Variants in ZNF540 observed in about 807,000 individuals in gnomAD.
ZNF540 encodes the protein CTD-3064H18.6.
ZNF540 carries 3 observed loss-of-function variants against 11.8 expected under a neutral mutation model. The ratio of observed to expected loss-of-function variants is 0.25; its 90% confidence interval spans 0.12 to 0.65. The LOEUF is 0.65. Ranked by LOEUF, ZNF540 falls within the 30% of genes least tolerant of loss-of-function variation. The pLI, the probability that ZNF540 is intolerant of heterozygous loss-of-function variation, is 0.83. For missense variants in ZNF540, 709 were observed against 793.1 expected (o/e 0.89, Z 1.27); for synonymous variants, 247 against 259.0 (o/e 0.95, Z 0.45).
Position 37,613,223 on chromosome 19 carries a change from C to T in ZNF540, c.1943C>T (p.Ser648Leu), listed in dbSNP as rs766947280. The T allele has an allele frequency of 1.3e-6, 2 of 1,540,636 alleles. No homozygotes were observed. Among genetic ancestry groups the T allele is most frequent in the Non-Finnish European group, 1.7e-6 (2 of 1,143,736 alleles). The change falls in exon 5 of 5, where the codon TCA (serine) becomes TTA (leucine). Residue 648 changes from serine to leucine, a missense_variant. By Grantham distance (145) the Ser-to-Leu change is moderately radical. Coordinates refer to ENST00000316433, the MANE Select transcript of ZNF540 (RefSeq NM_001172225.3). ...KVCRKAFRQY[S>L]HLYQHQKTHN... ...TGTAGAAAGGCCTTTAGACAATATT[C>T]ACATCTTTATCAACATCAGAAAACT...
Position 37,614,007 on chromosome 19 carries a change from G to T in ZNF540, c.*744G>T. On this transcript the variant is annotated 3_prime_UTR_variant, in exon 5 of 5. Transcript: ENST00000316433. Reference sequence around the variant, plus strand: ...GTCAGCAGTCTACAGTGCAAAAGAGGGCCTTCACCAGAACCCAAGCATGCT... The same window carrying T: ...GTCAGCAGTCTACAGTGCAAAAGAGTGCCTTCACCAGAACCCAAGCATGCT... 2.5e-6 allele frequency: 1 copy of T among 396,412 alleles called. No individual in the cohort carries two copies. Among genetic ancestry groups the T allele is most frequent in the East Asian group, 3.6e-5 (1 of 27,964 alleles). The allele number at this position is 396,412 out of a possible 1,614,324, so 24.6% of individuals were successfully genotyped here.
At chr19:37,570,804 T>C (rs8104282) in intron 1 of ZNF540, among the ~76,000 whole-genome samples, 39,762 of 152,062 alleles carry the variant, frequency 0.26, 6,357 homozygotes, top group Non-Finnish European at 0.37. Flanking sequence ...GAAGGCATTA[T>C]AGCATTCATA....
At chr19:37,581,912 T>A (rs557802024) in intron 1 of ZNF540, among the ~76,000 whole-genome samples, 2 of 152,102 alleles carry the variant, frequency 1.3e-5, no homozygotes, top group South Asian at 4.1e-4. Flanking sequence ...TTCCTGTCTA[T>A]ACCTTTTGCT....
At chr19:37,557,300 T>TA (rs1489604770) in intron 1 of ZNF540, among the ~76,000 whole-genome samples, 2 of 152,216 alleles carry the variant, frequency 1.3e-5, no homozygotes, top group Non-Finnish European at 2.9e-5. Context: ...CTTGATCTGT[T>TA]AGGCTTTGAA....
chr19:37,593,715 A>C (rs903914407), upstream of ZNF540, among the ~76,000 whole-genome samples: 1 of 152,092 alleles, frequency 6.6e-6, no homozygotes, highest in Non-Finnish European at 1.5e-5. Flanking sequence ...AAAGCAAACA[A>C]ACAAACAAAA....
chr19:37,589,893 C>A, upstream of ZNF540, among the ~76,000 whole-genome samples: 1 of 97,726 alleles, frequency 1.0e-5, no homozygotes, highest in East Asian at 2.3e-4. Context: ...AAAAAGCACA[C>A]TTGAATTGAA....
Position 37,614,091 on chromosome 19 carries a change from T to A in ZNF540, c.*828T>A, listed in dbSNP as rs2044153309. The A allele has an allele frequency of 5.2e-6, 2 of 383,796 alleles. No homozygotes were observed. Among genetic ancestry groups the A allele is most frequent in the Non-Finnish European group, 4.6e-6 (1 of 217,502 alleles). The allele number at this position is 383,796 out of a possible 1,614,324, so 23.8% of individuals were successfully genotyped here. A position where few individuals can be genotyped will look rare whatever the true frequency, so the allele number is the denominator to read the frequency against. ...CTGTGAGAAATAAACCTCAGTTGTTTATAAGCCACTGAGTCTACGATATTT... is the reference window on the plus strand; with the variant it reads ...CTGTGAGAAATAAACCTCAGTTGTTAATAAGCCACTGAGTCTACGATATTT... On this transcript the variant is annotated 3_prime_UTR_variant, in exon 5 of 5. Transcript: ENST00000316433.
chr19:37,588,099 C>CAAAAAAAAAAAAAAAAA, intron 1 of ZNF540, among the ~76,000 whole-genome samples: 1 of 45,742 alleles, frequency 2.2e-5, no homozygotes, highest in Non-Finnish European at 3.8e-5. Context: ...GACTCCATCT[C>CAAAAAAAAAAAAAAAAA]AAAAAAAAAA....
intron 1 of ZNF540, chr19:37,565,633 T>C (rs1256981780): frequency 1.9e-6 from 3 of 1,613,344 alleles, no homozygotes; most frequent in Non-Finnish European, 2.5e-6. Context: ...GAAGAGTATA[T>C]TGTGAACAAT....
intron 1 of ZNF540, among the ~76,000 whole-genome samples, chr19:37,573,281 CTAT>C (rs2043130799): frequency 2.0e-5 from 3 of 152,100 alleles, no homozygotes; most frequent in Admixed American, 2.0e-4. Context: ...TACTGGATTC[CTAT>C]TATTAACGGC....
At chr19:37,594,432 C>T (rs537564381), upstream of ZNF540, 151 of 152,456 alleles carry the variant, frequency 9.9e-4, no homozygotes, top group African/African-American at 3.4e-3. Flanking sequence ...TCTAGCCTCC[C>T]TATCCCAAAG....
At chr19:37,584,949 G>A (rs1294445969) in intron 1 of ZNF540, 1 of 145,436 alleles carries the variant, frequency 6.9e-6, no homozygotes, top group African/African-American at 2.6e-5. Flanking sequence ...GGGCCACAGA[G>A]CGAGACTCCG....
intron 1 of ZNF540, chr19:37,565,808 G>A (rs754114669): frequency 9.3e-6 from 15 of 1,612,018 alleles, no homozygotes; most frequent in African/African-American, 4.0e-5. Flanking sequence ...GAGATCAGAA[G>A]TACGACCAAA....
At position 37,611,413 on chromosome 19, in the gene ZNF540, A is replaced by G. The variant is rs997112619; in HGVS notation, c.233-100A>G. The G allele has an allele frequency of 3.3e-6, 3 of 922,166 alleles. No homozygotes were observed. In the East Asian group the frequency reaches 7.7e-5, roughly 24 times the overall value. The allele number at this position is 922,166 out of a possible 1,614,324, so 57.1% of individuals were successfully genotyped here. A position where few individuals can be genotyped will look rare whatever the true frequency, so the allele number is the denominator to read the frequency against. The stretch of plus-strand genomic sequence containing the variant: ...ATTCTTTAAGCCACTGACTTCTAGT[A>G]AGAACCGTTTTCACTTTGTTTCCTA... On this transcript the variant is annotated intron_variant, in intron 4 of 4. Transcript: ENST00000316433.
intron 1 of ZNF540, chr19:37,586,517 C>G (rs1281500838): frequency 1.3e-6 from 1 of 778,978 alleles, no homozygotes; most frequent in East Asian, 2.5e-5. Flanking sequence ...AAGAATTGGG[C>G]TCTTTGCTAC....
At chr19:37,552,638 C>A (rs549932603) in intron 1 of ZNF540, among the ~76,000 whole-genome samples, 133 of 152,162 alleles carry the variant, frequency 8.7e-4, no homozygotes, top group African/African-American at 3.1e-3. Flanking sequence ...TGGTAATATT[C>A]TTTGTTTCAA....
chr19:37,583,232 C>A (rs193110767), intron 1 of ZNF540, among the ~76,000 whole-genome samples: 1 of 152,138 alleles, frequency 6.6e-6, no homozygotes, highest in African/African-American at 2.4e-5. Flanking sequence ...AACCTATGAA[C>A]GTAGCAAGCT....
intron 4 of ZNF540, among the ~76,000 whole-genome samples, chr19:37,607,395 T>C (rs1382777326): frequency 6.6e-6 from 1 of 152,236 alleles, no homozygotes; most frequent in Non-Finnish European, 1.5e-5. Context: ...GAAAAATATA[T>C]AATGATATGT....
intron 4 of ZNF540, among the ~76,000 whole-genome samples, chr19:37,602,995 G>A (rs927245297): frequency 7.0e-6 from 1 of 142,428 alleles, no homozygotes. Context: ...GATATGGGAT[G>A]TAAGGAGTCT....
Sources: allele counts gnomAD v4.1 joint callset (sites outside exome capture counted in the v4.1 genomes callset), GRCh38; gene constraint gnomAD v4.1.1; transcripts MANE v1.5; gene names NCBI Gene and HGNC (gene_info 2026-07-23, HGNC 2026-07-21).